The following SORCS2 variants were observed in gnomAD, a reference collection of about 807,000 sequenced individuals.
The protein encoded by SORCS2 is sortilin related VPS10 domain containing receptor 2.
In SORCS2, 100 loss-of-function variants were observed where a neutral mutation model predicts 141.6. The ratio of observed to expected loss-of-function variants is 0.71; its 90% CI spans 0.60 to 0.83. The LOEUF is 0.83. Ranked by LOEUF, SORCS2 falls within the 40% of genes least tolerant of loss-of-function variation. SORCS2 has a pLI of 0.00. For synonymous variants in SORCS2, 789 were observed against 676.9 expected (o/e 1.17, Z -2.57); for missense variants, 1,646 against 1,560.2 (o/e 1.05, Z -0.93).
At position 7,406,216 on chromosome 4, in the gene SORCS2, T is replaced by C. The variant is rs563757498; in HGVS notation, c.548+9861T>C. 7.2e-4 allele frequency among the ~76,000 whole-genome samples: 109 copies of C among 151,804 alleles called. 1 individual carries two copies. Among genetic ancestry groups the C allele is most frequent in the Non-Finnish European group, 1.3e-3 (89 of 67,828 alleles). On this transcript the variant is annotated intron_variant, in intron 2 of 26. Transcript: ENST00000507866. ...CGTTTTTTTTTGTTGTGTCCTTTTCTGGTTTTGATATCAGGGAAACGCTGG... is the reference window on the plus strand; with the variant it reads ...CGTTTTTTTTTGTTGTGTCCTTTTCCGGTTTTGATATCAGGGAAACGCTGG...
At chr4:7,590,093 C>T (rs760071164) in intron 3 of SORCS2, among the ~76,000 whole-genome samples, 9 of 152,126 alleles carry the variant, frequency 5.9e-5, no homozygotes, top group Non-Finnish European at 1.0e-4. Flanking sequence ...TCTTAAAACC[C>T]GAGTCGAATA....
chr4:7,706,653 G>A (rs1303741023), intron 14 of SORCS2, among the ~76,000 whole-genome samples: 1 of 147,962 alleles, frequency 6.8e-6, no homozygotes, highest in Non-Finnish European at 1.5e-5. Context: ...GCTGGGCTCT[G>A]CCTGGGCAGG....
chr4:7,377,451 C>T (rs1722734556), intron 1 of SORCS2, among the ~76,000 whole-genome samples: 1 of 152,224 alleles, frequency 6.6e-6, no homozygotes, highest in African/African-American at 2.4e-5. Context: ...AGGCGCTCAA[C>T]AGACATTCAT....
intron 1 of SORCS2, among the ~76,000 whole-genome samples, chr4:7,320,134 C>CGT (rs1560189655): frequency 4.1e-4 from 50 of 123,058 alleles, no homozygotes; most frequent in African/African-American, 1.7e-3. Flanking sequence ...AAGACTTTGT[C>CGT]TCTACAAAAA....
At position 7,664,313 on chromosome 4, in the gene SORCS2, C is replaced by A. The variant is rs1340686108; in HGVS notation, c.953-40C>A. On this transcript the variant is annotated intron_variant, in intron 6 of 26. Coordinates refer to ENST00000507866, the MANE Select transcript of SORCS2 (RefSeq NM_020777.3). This position sits in a 1 kb window ranked among gnomAD's most constrained non-coding sequence, Gnocchi z 4.7. Reference sequence around the variant, plus strand: ...TGTCTCGGGCCGTCTCTGGCTCCGGCTGGAGTCTGACCGCCTGGGTCGGCG... The same window carrying A: ...TGTCTCGGGCCGTCTCTGGCTCCGGATGGAGTCTGACCGCCTGGGTCGGCG... 9 of 1,561,210 alleles carry A rather than the reference C, an allele frequency of 5.8e-6. No individual in the cohort carries two copies. Among genetic ancestry groups the A allele is most frequent in the Non-Finnish European group, 7.9e-6 (9 of 1,138,352 alleles).
In SORCS2 at chr4:7,412,744, C is replaced by A. The variant is rs550396961; in HGVS notation, c.548+16389C>A. Reference sequence around the variant, plus strand: ...CTCCTGCTGGGTCTCCCCAAGCACCCTTGCTGCTTCACCTGTCCCCCTGGG... The same window carrying A: ...CTCCTGCTGGGTCTCCCCAAGCACCATTGCTGCTTCACCTGTCCCCCTGGG... On this transcript the variant is annotated intron_variant, in intron 2 of 26. Transcript: ENST00000507866. Among the ~76,000 whole-genome samples the A allele has an allele frequency of 1.5e-3, 233 of 152,202 alleles. 1 individual carries two copies. Among genetic ancestry groups the A allele is most frequent in the African/African-American group, 5.3e-3 (222 of 41,540 alleles).
chr4:7,387,723 C>G (rs962950484), intron 1 of SORCS2, among the ~76,000 whole-genome samples: 43 of 139,098 alleles, frequency 3.1e-4, no homozygotes, highest in African/African-American at 1.1e-3. Context: ...CATGCACACA[C>G]ATACACATTT....
intron 3 of SORCS2, among the ~76,000 whole-genome samples, chr4:7,565,745 T>A (rs1714929038): frequency 6.7e-6 from 1 of 149,860 alleles, no homozygotes. Context: ...GATGATGATG[T>A]GAAAGTGATG....
intron 3 of SORCS2, among the ~76,000 whole-genome samples, chr4:7,540,518 T>G (rs570647345): frequency 8.5e-5 from 13 of 152,326 alleles, no homozygotes; most frequent in African/African-American, 2.6e-4. Context: ...AATCTGCCCT[T>G]GCGCTTCACG....
intron 3 of SORCS2, among the ~76,000 whole-genome samples, chr4:7,637,313 G>A (rs960149200): frequency 6.7e-5 from 3 of 44,914 alleles, no homozygotes; most frequent in South Asian, 1.3e-3. Context: ...TCAGCACCTC[G>A]GGCCTGCCCT....
Position 7,741,680 on chromosome 4 carries a change from T to G in SORCS2, c.*1416T>G, listed in dbSNP as rs1577147030. On this transcript the variant is annotated 3_prime_UTR_variant, in exon 27 of 27. Transcript: ENST00000507866. ...TGGATGGTGATGCGCTGGCTGGGGG[T>G]GAATCCCAATGAGGGTCCCTCTCAG... 1 of 163,722 alleles carries G rather than the reference T, an allele frequency of 6.1e-6. No homozygotes were observed. The highest frequency in any genetic ancestry group is 6.5e-5 in the Admixed American group (1 of 15,442). The allele number at this position is 163,722 out of a possible 1,614,324, so 10.1% of individuals were successfully genotyped here.
intron 4 of SORCS2, among the ~76,000 whole-genome samples, chr4:7,639,081 T>C (rs60232025): frequency 0.19 from 29,265 of 151,950 alleles, 2,954 homozygotes; most frequent in South Asian, 0.33. Flanking sequence ...CCCACCTGGG[T>C]TCTGAGGCTG....
At chr4:7,430,424 C>G (rs1156933348) in intron 2 of SORCS2, 2 of 152,414 alleles carry the variant, frequency 1.3e-5, no homozygotes, top group African/African-American at 2.4e-5. Context: ...GCTGGACCAC[C>G]AAGCCCTTTT....
intron 3 of SORCS2, among the ~76,000 whole-genome samples, chr4:7,621,144 C>T (rs1302898330): frequency 6.6e-6 from 1 of 152,180 alleles, no homozygotes; most frequent in Non-Finnish European, 1.5e-5. Context: ...CCATCCTGGG[C>T]AGTGTGACCA....
At chr4:7,513,748 T>C (rs139939177) in intron 2 of SORCS2, among the ~76,000 whole-genome samples, 37 of 152,290 alleles carry the variant, frequency 2.4e-4, no homozygotes, top group Non-Finnish European at 4.1e-4. Context: ...CAGCCTTCCT[T>C]GGGAACGACT....
At chr4:7,415,576 A>G (rs1225796018) in intron 2 of SORCS2, among the ~76,000 whole-genome samples, 3 of 152,220 alleles carry the variant, frequency 2.0e-5, no homozygotes, top group Non-Finnish European at 4.4e-5. Context: ...CAGACCTGCA[A>G]AGTCCCTTTG....
At chr4:7,488,866 G>C (rs900776873) in intron 2 of SORCS2, among the ~76,000 whole-genome samples, 2 of 152,216 alleles carry the variant, frequency 1.3e-5, no homozygotes, top group Non-Finnish European at 2.9e-5. Flanking sequence ...AAATGAGCCT[G>C]GTTTACATGC....
intron 1 of SORCS2, among the ~76,000 whole-genome samples, chr4:7,387,526 T>C (rs1453902586): frequency 7.2e-6 from 1 of 138,558 alleles, no homozygotes; most frequent in African/African-American, 2.9e-5. Flanking sequence ...GAGATACATA[T>C]GCACACATGC....
intron 1 of SORCS2, among the ~76,000 whole-genome samples, chr4:7,326,204 A>C (rs1719249399): frequency 6.6e-6 from 1 of 152,112 alleles, no homozygotes; most frequent in South Asian, 2.1e-4. Flanking sequence ...AGTTAGGATC[A>C]CTGAGGGCCT....
Sources: allele counts gnomAD v4.1 joint callset (sites outside exome capture counted in the v4.1 genomes callset), GRCh38; gene constraint gnomAD v4.1.1; non-coding constraint Gnocchi (gnomAD v3.1); transcripts MANE v1.5; gene names NCBI Gene and HGNC (gene_info 2026-07-23, HGNC 2026-07-21).